Variants in DGKE observed in about 807,000 individuals in gnomAD.
DGKE encodes DAG kinase epsilon.
In DGKE, 53 loss-of-function variants were observed where a neutral mutation model predicts 70.0. That is an observed-to-expected ratio of 0.76 (90% CI 0.61 to 0.95). The LOEUF (loss-of-function observed/expected upper bound fraction) is 0.95. Ranked by LOEUF, DGKE falls within the 40% of genes least tolerant of loss-of-function variation. The probability of loss-of-function intolerance (pLI) is 0.00; values close to 1 mark genes in which losing one functional copy is unlikely to be tolerated. For synonymous variants in DGKE, 291 were observed against 257.0 expected (o/e 1.13, Z -1.27); for missense variants, 655 against 706.9 (o/e 0.93, Z 0.83).
chr17:56,852,370 G>A (rs968701443), intron 7 of DGKE, among the ~76,000 whole-genome samples: 1 of 150,602 alleles, frequency 6.6e-6, no homozygotes, highest in Admixed American at 6.6e-5. Flanking sequence ...CCAAGATCAC[G>A]CCACTGTACT....
At chr17:56,842,359 T>C (rs563250534) in intron 2 of DGKE, among the ~76,000 whole-genome samples, 2 of 152,324 alleles carry the variant, frequency 1.3e-5, no homozygotes, top group Non-Finnish European at 2.9e-5. Flanking sequence ...AAAAACTTAA[T>C]ATTCTTCCCA....
chr17:56,843,170 T>C (rs1040985793), intron 2 of DGKE, among the ~76,000 whole-genome samples: 1 of 152,226 alleles, frequency 6.6e-6, no homozygotes, highest in Non-Finnish European at 1.5e-5. Context: ...TTAGATCAGC[T>C]TTTGTTTATG....
intron 9 of DGKE, among the ~76,000 whole-genome samples, chr17:56,859,401 ATC>A (rs1908150393): frequency 6.6e-6 from 1 of 152,008 alleles, no homozygotes; most frequent in African/African-American, 2.4e-5. Flanking sequence ...TTGCAACAGC[ATC>A]TCTGACATCA....
At chr17:56,844,233 A>C in intron 3 of DGKE, 55 bp downstream of exon 3, 1 of 1,198,780 alleles carries the variant, frequency 8.3e-7, no homozygotes, top group Non-Finnish European at 1.1e-6. Context: ...TGCTTAACTC[A>C]TTGTTTGAGA....
intron 2 of DGKE, among the ~76,000 whole-genome samples, chr17:56,838,191 G>A (rs1906747830): frequency 6.6e-6 from 1 of 152,180 alleles, no homozygotes; most frequent in South Asian, 2.1e-4. Context: ...ACTGTGATTA[G>A]TAAAACAAAG....
chr17:56,859,787 C>G (rs1908183743), intron 9 of DGKE, among the ~76,000 whole-genome samples: 1 of 152,084 alleles, frequency 6.6e-6, no homozygotes, highest in South Asian at 2.1e-4. Context: ...ATAGCAACAA[C>G]AGAGACATTA....
chr17:56,855,105 A>G (rs975437084), intron 7 of DGKE, among the ~76,000 whole-genome samples: 1 of 152,132 alleles, frequency 6.6e-6, no homozygotes, highest in Non-Finnish European at 1.5e-5. Context: ...AAGGACACCT[A>G]GGAAACTAGA....
At chr17:56,845,919 T>C in intron 4 of DGKE, 110 bp downstream of exon 4, 1 of 1,152,290 alleles carries the variant, frequency 8.7e-7, no homozygotes, top group Non-Finnish European at 1.1e-6. Flanking sequence ...GAATAATAAT[T>C]ACAAAAAGAT....
At chr17:56,841,233 CAG>C (rs1017394111) in intron 2 of DGKE, among the ~76,000 whole-genome samples, 1 of 130,528 alleles carries the variant, frequency 7.7e-6, no homozygotes, top group Non-Finnish European at 1.6e-5. Flanking sequence ...GCCTAGGCGA[CAG>C]AGTGATACTC....
At chr17:56,849,629 G>A (rs1414803514) in intron 7 of DGKE, among the ~76,000 whole-genome samples, 2 of 152,160 alleles carry the variant, frequency 1.3e-5, no homozygotes, top group East Asian at 3.8e-4. Context: ...CCTGCACTAG[G>A]TAGAATCAGG....
chr17:56,861,967 C>A, intron 10 of DGKE, 49 bp downstream of exon 10: 1 of 1,556,634 alleles, frequency 6.4e-7, no homozygotes, highest in South Asian at 1.2e-5. Context: ...TTATTTAAAG[C>A]AATCTCTTGT....
intron 7 of DGKE, among the ~76,000 whole-genome samples, chr17:56,854,652 A>G (rs1285383959): frequency 6.6e-6 from 1 of 152,150 alleles, no homozygotes; most frequent in Non-Finnish European, 1.5e-5. Flanking sequence ...CCACAAATAA[A>G]TGATAAACAT....
chr17:56,840,303 G>A (rs1461389900), intron 2 of DGKE, among the ~76,000 whole-genome samples: 4 of 152,200 alleles, frequency 2.6e-5, no homozygotes, highest in African/African-American at 9.7e-5. Flanking sequence ...TGGGGGAGGG[G>A]AGAAGGTTAA....
chr17:56,842,471 TG>T (rs1362606230), intron 2 of DGKE, among the ~76,000 whole-genome samples: 1 of 152,242 alleles, frequency 6.6e-6, no homozygotes, highest in African/African-American at 2.4e-5. Context: ...TTTAAAGTTA[TG>T]GTAGACCAAT....
chr17:56,856,492 A>C lies in DGKE; in HGVS notation c.1099-20A>C. ...TAGGTGGAACCATAGTCTGTTGCTT[A>C]TTCTTACCCTTTCTCACAGGAATTC... is the stretch of plus-strand genomic sequence containing the variant. On this transcript the variant is annotated intron_variant, in intron 7 of 11. Transcript: ENST00000284061. 1 of 1,607,500 alleles carries C rather than the reference A, an allele frequency of 6.2e-7. No homozygotes were observed. Among genetic ancestry groups the C allele is most frequent in the East Asian group, 2.2e-5 (1 of 44,790 alleles).
intron 7 of DGKE, among the ~76,000 whole-genome samples, chr17:56,850,180 C>T (rs920935325): frequency 2.0e-5 from 3 of 151,058 alleles, no homozygotes; most frequent in Admixed American, 6.6e-5. Context: ...AGCTGGAGTA[C>T]GGTATTGTGA....
At chr17:56,862,540 G>A (rs1908357514) in intron 11 of DGKE, 72 bp from the exon 12 acceptor site, 1 of 1,297,802 alleles carries the variant, frequency 7.7e-7, no homozygotes, top group Admixed American at 3.2e-5. Context: ...GATTGTGGAT[G>A]GTATTATTAA....
In DGKE at chr17:56,858,590, A is replaced by G. The variant is rs747873362; in HGVS notation, c.1213-4A>G. ...ATATTATATTTTCTGTCCATTTTTC[A>G]TAGGCGGTTTACTTATTCTATGGAA... is the stretch of plus-strand genomic sequence containing the variant. On this transcript the variant is annotated splice_polypyrimidine_tract_variant and splice_region_variant and intron_variant, in intron 8 of 11. Coordinates refer to ENST00000284061, the MANE Select transcript of DGKE (RefSeq NM_003647.3). 8 of 1,595,474 alleles carry G rather than the reference A, an allele frequency of 5.0e-6. No individual in the cohort carries two copies. The highest frequency in any genetic ancestry group is 3.4e-5 in the South Asian group (3 of 87,288).
chr17:56,856,762 T>A, intron 8 of DGKE, 137 bp downstream of exon 8: 1 of 1,159,746 alleles, frequency 8.6e-7, no homozygotes, highest in Non-Finnish European at 1.2e-6. Context: ...TTGTGTAGGG[T>A]TGTCAAATTA....
Sources: allele counts gnomAD v4.1 joint callset (sites outside exome capture counted in the v4.1 genomes callset), GRCh38; gene constraint gnomAD v4.1.1; transcripts MANE v1.5; gene names NCBI Gene and HGNC (gene_info 2026-07-23, HGNC 2026-07-21).